Variants in EYA1 observed in about 807,000 individuals in gnomAD.
EYA1 encodes the protein protein phosphatase EYA1.
A neutral mutation model predicts 82.0 loss-of-function variants in EYA1; 16 were observed. That is an observed-to-expected ratio of 0.20 (90% CI 0.13 to 0.30). EYA1 has a LOEUF of 0.30. Among genes scored for constraint, EYA1 ranks in the 10% least tolerant of loss-of-function variants. The pLI is 1.00. For synonymous variants in EYA1, 261 were observed against 264.4 expected (o/e 0.99, Z 0.12); for missense variants, 633 against 730.7 (o/e 0.87, Z 1.54).
In EYA1 at chr8:71,463,615, CT is replaced by C. The variant is rs1563640075; in HGVS notation, c.33+72128del. Among the ~76,000 whole-genome samples the C allele has an allele frequency of 7.9e-3, 1,068 of 135,450 alleles. 61 individuals are homozygous for C. The highest frequency in any genetic ancestry group is 0.024 in the African/African-American group (755 of 32,076). 88.9% of individuals were successfully genotyped at this position (135,450 alleles called of 152,430 possible). On this transcript the variant is annotated intron_variant, in intron 2 of 18. Coordinates refer to the EYA1 transcript ENST00000643681. ...TCTCTCTCTCTCTCTCTCTCTCTCT[CT>C]CTCTCTCTCTCTCTCTCCCTCCCTC...
intron 2 of EYA1, among the ~76,000 whole-genome samples, chr8:71,452,147 C>G (rs1289715643): frequency 6.6e-6 from 1 of 152,204 alleles, no homozygotes; most frequent in African/African-American, 2.4e-5. Flanking sequence ...TGGAGGGTCC[C>G]ACACCCACAG....
At chr8:71,201,478 C>A (rs1199504621) in intron 17 of EYA1, among the ~76,000 whole-genome samples, 1 of 152,066 alleles carries the variant, frequency 6.6e-6, no homozygotes, top group Non-Finnish European at 1.5e-5. Flanking sequence ...CTAAGAGACA[C>A]CAGAAGATTC....
chr8:71,207,915 C>CTGT lies in EYA1; in HGVS notation c.1698+3238_1698+3240dup, dbSNP rs201731524. Among the ~76,000 whole-genome samples, 535 of 152,130 alleles carry CTGT rather than the reference C, an allele frequency of 3.5e-3. 1 individual carries two copies. Among genetic ancestry groups the CTGT allele is most frequent in the African/African-American group, 0.012 (497 of 41,524 alleles). On this transcript the variant is annotated intron_variant, in intron 17 of 17. Coordinates refer to ENST00000340726, the MANE Select transcript of EYA1 (RefSeq NM_000503.6). ...ACACCTTATAATTTATTCTTTGGTACTGTTGTAAATGAATTGTACCAGCAT... is the reference window on the plus strand; with the variant it reads ...ACACCTTATAATTTATTCTTTGGTACTGTTGTTGTAAATGAATTGTACCAGCAT...
chr8:71,383,354 A>G (rs1345918042), intron 2 of EYA1, among the ~76,000 whole-genome samples: 1 of 152,120 alleles, frequency 6.6e-6, no homozygotes, highest in African/African-American at 2.4e-5. Flanking sequence ...AAACTCCTAC[A>G]CATGAGTGCA....
intron 2 of EYA1, among the ~76,000 whole-genome samples, chr8:71,394,144 T>A (rs1022263173): frequency 3.3e-5 from 5 of 152,200 alleles, no homozygotes; most frequent in Non-Finnish European, 7.3e-5. Flanking sequence ...GTTGTTTGAT[T>A]TTTTTCTTGT....
At chr8:71,523,281 C>T (rs1388314743) in intron 2 of EYA1, among the ~76,000 whole-genome samples, 1 of 149,152 alleles carries the variant, frequency 6.7e-6, no homozygotes, top group Non-Finnish European at 1.5e-5. Flanking sequence ...CAGGTTCACG[C>T]CATTCTCCTG....
At chr8:71,239,722 C>T (rs1454858401) in intron 12 of EYA1, among the ~76,000 whole-genome samples, 1 of 152,208 alleles carries the variant, frequency 6.6e-6, no homozygotes, top group African/African-American at 2.4e-5. Flanking sequence ...ACTACAGTGT[C>T]TTCCTTGCAA....
At chr8:71,298,482 G>C (rs895746791) in intron 9 of EYA1, among the ~76,000 whole-genome samples, 6 of 152,192 alleles carry the variant, frequency 3.9e-5, no homozygotes, top group Non-Finnish European at 8.8e-5. Flanking sequence ...CATGTAGGAA[G>C]ATTTCCACAT....
At chr8:71,382,534 G>T (rs1218621854) in intron 2 of EYA1, among the ~76,000 whole-genome samples, 1 of 151,910 alleles carries the variant, frequency 6.6e-6, no homozygotes, top group East Asian at 1.9e-4. Context: ...CATACTACAA[G>T]AATTTTTTAA....
chr8:71,330,880 C>A (rs1823764892), intron 4 of EYA1, among the ~76,000 whole-genome samples: 1 of 145,734 alleles, frequency 6.9e-6, no homozygotes, highest in African/African-American at 2.6e-5. Flanking sequence ...TGTGTGTATG[C>A]ATACGCATAT....
intron 2 of EYA1, chr8:71,404,454 A>C (rs1760544499): frequency 6.6e-6 from 1 of 152,226 alleles, no homozygotes; most frequent in Non-Finnish European, 1.5e-5. Flanking sequence ...AGCCATATAG[A>C]TATTCACATA....
chr8:71,269,838 C>A lies in EYA1; in HGVS notation c.967-15G>T, dbSNP rs1023019832. The A allele has an allele frequency of 5.0e-6, 8 of 1,603,264 alleles. No individual in the cohort carries two copies. The highest frequency in any genetic ancestry group is 6.8e-6 in the Non-Finnish European group (8 of 1,170,436). ...ATGAACACTCTCTACAAAGGAAGAA[C>A]CAAATCAATGTGTCTTTGCCTTGGC... On this transcript the variant is annotated splice_polypyrimidine_tract_variant and intron_variant, in intron 10 of 17. Coordinates refer to ENST00000340726, the MANE Select transcript of EYA1 (RefSeq NM_000503.6).
At chr8:71,282,419 C>T (rs1817910982) in intron 9 of EYA1, among the ~76,000 whole-genome samples, 1 of 152,204 alleles carries the variant, frequency 6.6e-6, no homozygotes, top group Non-Finnish European at 1.5e-5. Context: ...TTCTCTTGAA[C>T]CCACTTCCAT....
intron 2 of EYA1, among the ~76,000 whole-genome samples, chr8:71,527,023 T>A (rs963311657): frequency 6.6e-6 from 1 of 152,198 alleles, no homozygotes; most frequent in Non-Finnish European, 1.5e-5. Flanking sequence ...ATACTATACA[T>A]AAATAAAATT....
intron 12 of EYA1, among the ~76,000 whole-genome samples, chr8:71,233,691 G>A (rs1338463307): frequency 6.6e-6 from 1 of 151,708 alleles, no homozygotes; most frequent in Non-Finnish European, 1.5e-5. Flanking sequence ...TATGTATATT[G>A]TGTCTTGACA....
chr8:71,451,926 G>A (rs1807413447), intron 2 of EYA1, among the ~76,000 whole-genome samples: 1 of 152,132 alleles, frequency 6.6e-6, no homozygotes, highest in Non-Finnish European at 1.5e-5. Context: ...GTGGGTGCAG[G>A]ACTGTGGGTG....
At chr8:71,453,521 A>G (rs188010241) in intron 2 of EYA1, among the ~76,000 whole-genome samples, 108 of 152,348 alleles carry the variant, frequency 7.1e-4, no homozygotes, top group African/African-American at 1.5e-3. Flanking sequence ...AGGCAGAAAG[A>G]AAGGTAGGAT....
intron 2 of EYA1, among the ~76,000 whole-genome samples, chr8:71,448,083 A>G (rs1025674138): frequency 7.2e-6 from 1 of 138,942 alleles, no homozygotes; most frequent in Non-Finnish European, 1.5e-5. Context: ...ACTGCAACCT[A>G]CGCCTTCCAG....
At chr8:71,371,338 CTT>C (rs894005632) in intron 2 of EYA1, among the ~76,000 whole-genome samples, 1 of 152,168 alleles carries the variant, frequency 6.6e-6, no homozygotes, top group Admixed American at 6.5e-5. Flanking sequence ...TCCTCCATAA[CTT>C]TTCCTCATTA....
Sources: gnomAD v4.1 joint callset for allele counts (sites outside exome capture counted in the v4.1 genomes callset) on GRCh38, gnomAD v4.1.1 for gene constraint, MANE v1.5 for transcripts, NCBI Gene and HGNC (gene_info 2026-07-23, HGNC 2026-07-21) for gene names.